The following MAST2 variants were observed in gnomAD, a reference collection of about 807,000 sequenced individuals.
MAST2 encodes microtubule-associated serine/threonine-protein kinase 2.
In MAST2, 70 loss-of-function variants were observed where a neutral mutation model predicts 147.4. The observed-to-expected ratio is 0.47, with a 90% CI of 0.39 to 0.58. MAST2 has a LOEUF of 0.58. Among genes scored for constraint, MAST2 ranks in the 20% least tolerant of loss-of-function variants. The probability of loss-of-function intolerance (pLI) is 0.00; values close to 1 mark genes in which losing one functional copy is unlikely to be tolerated. For missense variants in MAST2, 2,080 were observed against 2,302.3 expected (o/e 0.90, Z 1.98); for synonymous variants, 869 against 896.8 (o/e 0.97, Z 0.55).
intron 3 of MAST2, among the ~76,000 whole-genome samples, chr1:45,844,414 C>T (rs1371505600): frequency 1.3e-5 from 2 of 152,108 alleles, no homozygotes; most frequent in African/African-American, 4.8e-5. Context: ...TCCTGAGTAG[C>T]TGGGATTACA....
At chr1:45,863,847 T>C (rs1359642257) in intron 3 of MAST2, among the ~76,000 whole-genome samples, 2 of 152,196 alleles carry the variant, frequency 1.3e-5, no homozygotes, top group Non-Finnish European at 2.9e-5. Flanking sequence ...TAGCATGTCT[T>C]ATAGTTTGGA....
intron 3 of MAST2, among the ~76,000 whole-genome samples, chr1:45,881,250 A>G (rs1176097863): frequency 6.6e-6 from 1 of 152,198 alleles, no homozygotes; most frequent in Non-Finnish European, 1.5e-5. Context: ...TTACTAGAGA[A>G]TAGATAAATA....
At chr1:45,988,980 T>C (rs752498347) in intron 5 of MAST2, among the ~76,000 whole-genome samples, 26 of 152,222 alleles carry the variant, frequency 1.7e-4, no homozygotes, top group Non-Finnish European at 3.5e-4. Flanking sequence ...AGAACAGTAT[T>C]ACAAATCAAG....
At chr1:45,901,043 G>A (rs1649680338) in intron 4 of MAST2, among the ~76,000 whole-genome samples, 1 of 152,028 alleles carries the variant, frequency 6.6e-6, no homozygotes, top group Non-Finnish European at 1.5e-5. Context: ...GGTCATATTT[G>A]TTTTTGAGGT....
Position 46,010,798 on chromosome 1 carries a change from C to T in MAST2, c.1047C>T (p.Pro349=). 6.2e-7 allele frequency: 1 copy of T among 1,614,222 alleles called. No homozygotes were observed. Among genetic ancestry groups the T allele is most frequent in the Non-Finnish European group, 8.5e-7 (1 of 1,180,042 alleles). Residue 349 remains proline, a synonymous_variant, in exon 10 of 29, where the codon CCC becomes CCT. Coordinates refer to ENST00000361297, the MANE Select transcript of MAST2 (RefSeq NM_015112.3). ...CCAACACTCCAGACAGCGTGCTGCC[C>T]TTGGCAGATGGAGCCCTGAGCTTTA... ...ISSNTPDSVL[P]LADGALSFIH...
At chr1:45,836,185 G>C (rs1022371338) in intron 3 of MAST2, among the ~76,000 whole-genome samples, 7 of 152,100 alleles carry the variant, frequency 4.6e-5, no homozygotes, top group African/African-American at 1.7e-4. Context: ...CACACTTTTG[G>C]TTTGCTACAC....
In MAST2 at chr1:45,913,701, C is replaced by G. The variant is rs562960118; in HGVS notation, c.500+31306C>G. ...AAGATCATGTTTTTGAAGAAAAGTACTTTAATTTTTGCCGTAAGTTTGGGA... is the reference window on the plus strand; with the variant it reads ...AAGATCATGTTTTTGAAGAAAAGTAGTTTAATTTTTGCCGTAAGTTTGGGA... On this transcript the variant is annotated intron_variant, in intron 4 of 28. Coordinates refer to ENST00000361297, the MANE Select transcript of MAST2 (RefSeq NM_015112.3). 2.9e-6 allele frequency: 3 copies of G among 1,020,906 alleles called. No homozygotes were observed. The Admixed American group carries it at 1.8e-4, about 60-fold the overall frequency. The allele number at this position is 1,020,906 out of a possible 1,614,324, so 63.2% of individuals were successfully genotyped here.
At chr1:46,032,009 C>T (rs1646690494) in intron 24 of MAST2, among the ~76,000 whole-genome samples, 169 bp from the exon 25 acceptor site, 1 of 152,208 alleles carries the variant, frequency 6.6e-6, no homozygotes, top group South Asian at 2.1e-4. Flanking sequence ...CCACCACCGT[C>T]TCTTGGGGTC....
At chr1:45,930,046 A>G (rs765459003) in intron 4 of MAST2, among the ~76,000 whole-genome samples, 1 of 152,162 alleles carries the variant, frequency 6.6e-6, no homozygotes, top group Non-Finnish European at 1.5e-5. Flanking sequence ...TGGTATCTCA[A>G]TGTAGCCAAG....
intron 5 of MAST2, among the ~76,000 whole-genome samples, chr1:45,982,216 A>T (rs762438553): frequency 6.6e-6 from 1 of 152,140 alleles, no homozygotes; most frequent in Non-Finnish European, 1.5e-5. Flanking sequence ...AGTAGCACAC[A>T]TTTTTAGGCC....
intron 4 of MAST2, among the ~76,000 whole-genome samples, chr1:45,913,246 G>A (rs1216177589): frequency 6.6e-6 from 1 of 152,180 alleles, no homozygotes; most frequent in African/African-American, 2.4e-5. Context: ...TCTTCCTTCA[G>A]GCTTGGGTTT....
chr1:45,959,475 C>T lies in MAST2; in HGVS notation c.590C>T (p.Thr197Ile), dbSNP rs1182306267. 6.2e-7 allele frequency: 1 copy of T among 1,612,704 alleles called. No individual in the cohort carries two copies. The highest frequency in any genetic ancestry group is 2.2e-5 in the East Asian group (1 of 44,884). The change falls in exon 5 of 29, where the codon ACA becomes ATA. Residue 197 changes from threonine (T) to isoleucine (I), a missense_variant and splice_region_variant. Thr to Ile is a moderately conservative substitution (Grantham distance 89, BLOSUM62 -1). This residue lies in a region of MAST2 where 569 missense variants were observed against 642.5 expected (regional missense o/e 0.89). Transcript: ENST00000361297. Reference sequence around the variant, plus strand: ...CCACACTCACCACTCCATGGCCACACAGGTGAGTGCTTGAAGGTTAAGAAA... The same window carrying T: ...CCACACTCACCACTCCATGGCCACATAGGTGAGTGCTTGAAGGTTAAGAAA... The part of the protein sequence containing the change: ...PRPHSPLHGH[T>I]GNSPLDSPRN...
chr1:46,032,298 C>CT lies in MAST2; in HGVS notation c.3309dup (p.Pro1104SerfsTer24). Reference sequence around the variant, plus strand: ...TTGCCAGCCCTTGGCAGCATGAGGCCTCCCATCATCATCCACCGAGCTGGC... The same window carrying CT: ...TTGCCAGCCCTTGGCAGCATGAGGCCTTCCCATCATCATCCACCGAGCTGGC... On this transcript the variant is annotated frameshift_variant, in exon 25 of 29. Transcript: ENST00000361297. LOFTEE classifies it high-confidence loss of function. 1 of 1,614,210 alleles carries CT rather than the reference C, an allele frequency of 6.2e-7. No homozygotes were observed. The highest frequency in any genetic ancestry group is 2.2e-5 in the East Asian group (1 of 44,874).
chr1:45,804,847 G>T lies in MAST2; in HGVS notation c.177+775G>T, dbSNP rs1261547932. Among the ~76,000 whole-genome samples the T allele has an allele frequency of 3.9e-5, 6 of 152,230 alleles. 1 individual carries two copies. In the South Asian group the frequency reaches 1.2e-3, roughly 31 times the overall value. On this transcript the variant is annotated intron_variant, in intron 1 of 28. Coordinates refer to ENST00000361297, the MANE Select transcript of MAST2 (RefSeq NM_015112.3). ...GCAGGAGAAGCTGCCACTAGTAGCG[G>T]TAATAAGTTTAGTGAAAGGAGAATA... is the stretch of plus-strand genomic sequence containing the variant.
chr1:45,997,936 G>A (rs1645123917), intron 6 of MAST2, 137 bp downstream of exon 6: 1 of 761,020 alleles, frequency 1.3e-6, no homozygotes, highest in Non-Finnish European at 2.2e-6. Context: ...TCAAAACTCT[G>A]TCTTTGCTTT....
intron 1 of MAST2, among the ~76,000 whole-genome samples, chr1:45,811,336 G>GTTTTTTTTTT (rs1182046330): frequency 1.2e-5 from 1 of 83,962 alleles, no homozygotes; most frequent in African/African-American, 4.1e-5. Flanking sequence ...TTGTATTTTT[G>GTTTTTTTTTT]TATTTTTTTT....
At chr1:46,001,334 G>A (rs1645265802) in intron 6 of MAST2, among the ~76,000 whole-genome samples, 1 of 152,208 alleles carries the variant, frequency 6.6e-6, no homozygotes, top group African/African-American at 2.4e-5. Flanking sequence ...TGACTCTGGT[G>A]GCCCCTGCTG....
At chr1:45,982,030 G>T (rs1197415532) in intron 5 of MAST2, among the ~76,000 whole-genome samples, 1 of 151,950 alleles carries the variant, frequency 6.6e-6, no homozygotes, top group Non-Finnish European at 1.5e-5. Flanking sequence ...TGTATTTTTA[G>T]TAGAGACGGA....
chr1:45,917,554 T>C (rs913614148), intron 4 of MAST2: 3 of 1,365,482 alleles, frequency 2.2e-6, no homozygotes, highest in Admixed American at 3.8e-5. Context: ...TTGCTGTGAA[T>C]CTGGGCCTTG....
Sources: allele counts gnomAD v4.1 joint callset (sites outside exome capture counted in the v4.1 genomes callset), GRCh38; gene constraint gnomAD v4.1.1; regional missense constraint gnomAD v4.1.1; transcripts MANE v1.5; gene names NCBI Gene and HGNC (gene_info 2026-07-23, HGNC 2026-07-21).